The following RERE variants were observed in gnomAD, a reference collection of about 807,000 sequenced individuals.
RERE encodes arginine-glutamic acid dipeptide repeats protein.
A neutral mutation model predicts 146.1 loss-of-function variants in RERE; 40 were observed. That is an observed-to-expected ratio of 0.27 (90% CI 0.21 to 0.36). RERE has a LOEUF of 0.36. Ranked by LOEUF, RERE falls within the 10% of genes least tolerant of loss-of-function variation. RERE has a pLI of 1.00. For synonymous variants in RERE, 1,003 were observed against 866.0 expected, an observed-to-expected ratio of 1.16 and a Z score of -2.78; for missense variants, 1,933 against 2,138.7, an observed-to-expected ratio of 0.90 and a Z score of 1.90.
intron 4 of RERE, among the ~76,000 whole-genome samples, chr1:8,610,922 C>T (rs1406493763): frequency 3.3e-5 from 5 of 151,318 alleles, no homozygotes; most frequent in South Asian, 4.2e-4. Flanking sequence ...ACACCGGGCA[C>T]GGTGGCTCAC....
intron 1 of RERE, among the ~76,000 whole-genome samples, chr1:8,679,222 T>A (rs568097876): frequency 6.6e-6 from 1 of 152,300 alleles, no homozygotes; most frequent in Non-Finnish European, 1.5e-5. Flanking sequence ...AGAATATGCA[T>A]AAACATGAAC....
chr1:8,704,003 A>G (rs1639512474), intron 1 of RERE, among the ~76,000 whole-genome samples: 1 of 152,218 alleles, frequency 6.6e-6, no homozygotes, highest in African/African-American at 2.4e-5. Flanking sequence ...CATAGCTTAA[A>G]TTGTGCATGA....
intron 2 of RERE, among the ~76,000 whole-genome samples, chr1:8,652,970 A>C (rs2124323102): frequency 6.6e-6 from 1 of 152,338 alleles, no homozygotes; most frequent in East Asian, 1.9e-4. Flanking sequence ...AGTAGCCGAG[A>C]CTAAAAGCAC....
intron 1 of RERE, among the ~76,000 whole-genome samples, chr1:8,776,520 ACTC>A (rs1372068967): frequency 6.6e-6 from 1 of 151,474 alleles, no homozygotes; most frequent in Non-Finnish European, 1.5e-5. Context: ...CTGGTCTTGA[ACTC>A]CTGGCTTCAT....
At chr1:8,386,310 G>A (rs1570113601) in intron 12 of RERE, among the ~76,000 whole-genome samples, 1 of 151,214 alleles carries the variant, frequency 6.6e-6, no homozygotes, top group Admixed American at 6.6e-5. Context: ...ATAGAGCCAA[G>A]AGAACTTCTT....
intron 10 of RERE, among the ~76,000 whole-genome samples, chr1:8,469,512 G>A (rs977242145): frequency 3.9e-4 from 59 of 152,110 alleles, no homozygotes; most frequent in African/African-American, 1.2e-3. Flanking sequence ...CCAGCTATTC[G>A]GGAGGCTGAG....
chr1:8,425,245 T>C (rs560478284), intron 11 of RERE: 145 of 152,326 alleles, frequency 9.5e-4, no homozygotes, highest in African/African-American at 3.3e-3. Context: ...ACTGAGCACC[T>C]AGCTGAGAGG....
chr1:8,648,437 G>T (rs1200652197), intron 2 of RERE, among the ~76,000 whole-genome samples: 1 of 152,120 alleles, frequency 6.6e-6, no homozygotes, highest in Non-Finnish European at 1.5e-5. Context: ...TCGCCATGTT[G>T]CCCAAGCTGG....
chr1:8,479,678 C>G (rs968348020), intron 10 of RERE, among the ~76,000 whole-genome samples: 1 of 152,124 alleles, frequency 6.6e-6, no homozygotes. Flanking sequence ...CTACAAGAGG[C>G]GAAGAGTGGG....
rs1342942856 is a variant in RERE at position 8,750,564 on chromosome 1, G to C, written c.-145+66596C>G. ...GCCCAAAACATGCTTTGAAAGGCAA[G>C]GAAGAAGCTTATTTATGAAAAAGCA... On this transcript the variant is annotated intron_variant, in intron 1 of 22. Transcript: ENST00000400908. 25 of 998,880 alleles carry C rather than the reference G, an allele frequency of 2.5e-5. No individual in the cohort carries two copies. In the South Asian group the frequency reaches 3.2e-4, roughly 13 times the overall value. The allele number at this position is 998,880 out of a possible 1,614,324, so 61.9% of individuals were successfully genotyped here.
chr1:8,437,254 T>C (rs901157754), intron 11 of RERE, among the ~76,000 whole-genome samples: 1 of 151,858 alleles, frequency 6.6e-6, no homozygotes, highest in African/African-American at 2.4e-5. Context: ...TTCTTGACAA[T>C]ACAACATGGG....
At chr1:8,546,268 A>G (rs1570419764) in intron 6 of RERE, among the ~76,000 whole-genome samples, 1 of 149,998 alleles carries the variant, frequency 6.7e-6, no homozygotes, top group African/African-American at 2.5e-5. Context: ...GGTGTGGGCC[A>G]CCATGCCTGG....
chr1:8,442,034 G>C (rs944340061), intron 11 of RERE, among the ~76,000 whole-genome samples: 3 of 152,058 alleles, frequency 2.0e-5, no homozygotes, highest in African/African-American at 4.8e-5. Flanking sequence ...TGGGGAAGTA[G>C]AATGGAAATA....
intron 1 of RERE, among the ~76,000 whole-genome samples, chr1:8,657,256 G>C (rs563519337): frequency 4.9e-5 from 7 of 142,832 alleles, no homozygotes; most frequent in African/African-American, 1.8e-4. Flanking sequence ...AGTGAGCCGA[G>C]ATTGTGCCAC....
intron 1 of RERE, among the ~76,000 whole-genome samples, chr1:8,803,879 C>A (rs548886649): frequency 1.3e-5 from 2 of 152,014 alleles, no homozygotes; most frequent in Admixed American, 1.3e-4. Context: ...GTTTCTGTAG[C>A]GTCAAAAGTG....
chr1:8,546,549 T>C (rs1052223553), intron 6 of RERE, among the ~76,000 whole-genome samples: 1 of 151,830 alleles, frequency 6.6e-6, no homozygotes, highest in Non-Finnish European at 1.5e-5. Flanking sequence ...CAGGATAGAG[T>C]TCAAAGTATG....
chr1:8,641,857 T>C (rs1017800627), intron 2 of RERE, among the ~76,000 whole-genome samples: 1 of 152,152 alleles, frequency 6.6e-6, no homozygotes, highest in Admixed American at 6.5e-5. Flanking sequence ...CCAGGAGCCA[T>C]CCCCTTTTGG....
intron 1 of RERE, among the ~76,000 whole-genome samples, chr1:8,672,199 C>T (rs1358504944): frequency 1.3e-5 from 2 of 151,896 alleles, no homozygotes; most frequent in African/African-American, 2.4e-5. Context: ...TTTGAGTCAG[C>T]GTCTCCCTCT....
chr1:8,513,907 T>C (rs1393845509), intron 7 of RERE, among the ~76,000 whole-genome samples: 1 of 152,250 alleles, frequency 6.6e-6, no homozygotes, highest in Non-Finnish European at 1.5e-5. Context: ...TTGGTCTGTC[T>C]TGCCTTTGAA....
Sources: gnomAD v4.1 joint callset for allele counts (sites outside exome capture counted in the v4.1 genomes callset) on GRCh38, gnomAD v4.1.1 for gene constraint, MANE v1.5 for transcripts, NCBI Gene and HGNC (gene_info 2026-07-23, HGNC 2026-07-21) for gene names.